FDFT1: variants seen among roughly 807,000 people sequenced by gnomAD.
The protein encoded by FDFT1 is farnesyl-diphosphate farnesyltransferase 1, also known as squalene synthase.
Under a neutral mutation model 46.8 loss-of-function variants are expected in FDFT1, and 68 were observed. That is an observed-to-expected ratio of 1.45 (90% confidence interval 1.19 to 1.78). FDFT1 has a LOEUF of 1.78. FDFT1 is among the 40% of genes most tolerant of loss of function. FDFT1 has a pLI of 0.00. For missense variants in FDFT1, 928 were observed against 524.4 expected (o/e 1.77, Z -7.52); for synonymous variants, 351 against 185.1 (o/e 1.90, Z -7.28).
chr8:11,804,809 A>T (rs532004925), intron 1 of FDFT1, among the ~76,000 whole-genome samples: 9 of 150,632 alleles, frequency 6.0e-5, no homozygotes, highest in Non-Finnish European at 1.2e-4. Context: ...GGGTTTCACC[A>T]TGTTGGTGAG....
At chr8:11,812,898 T>C (rs1449120825) in intron 3 of FDFT1, among the ~76,000 whole-genome samples, 1 of 152,244 alleles carries the variant, frequency 6.6e-6, no homozygotes, top group Non-Finnish European at 1.5e-5. Flanking sequence ...CATGCATCAC[T>C]TAATGAATGG....
intron 3 of FDFT1, among the ~76,000 whole-genome samples, chr8:11,820,295 A>C (rs532567228): frequency 1.3e-5 from 2 of 152,160 alleles, no homozygotes; most frequent in African/African-American, 4.8e-5. Context: ...GTCAGGCTAC[A>C]TGGGGCTCAG....
At chr8:11,813,387 A>G (rs751309383) in intron 3 of FDFT1, among the ~76,000 whole-genome samples, 2 of 152,212 alleles carry the variant, frequency 1.3e-5, no homozygotes, top group Non-Finnish European at 2.9e-5. Flanking sequence ...AATATATTTC[A>G]TCGTTAATTT....
intron 7 of FDFT1, 133 bp downstream of exon 7, chr8:11,831,803 A>C (rs780531823): frequency 4.3e-5 from 33 of 765,962 alleles, no homozygotes; most frequent in Non-Finnish European, 6.5e-5. Flanking sequence ...ACAGGAATTG[A>C]TATCCTTTAT....
Position 11,838,689 on chromosome 8 carries a change from T to C in FDFT1, c.*80T>C. 8.8e-7 allele frequency: 1 copy of C among 1,136,272 alleles called. No individual in the cohort carries two copies. Among genetic ancestry groups the C allele is most frequent in the Non-Finnish European group, 1.3e-6 (1 of 755,516 alleles). The allele number at this position is 1,136,272 out of a possible 1,614,324, so 70.4% of individuals were successfully genotyped here. A position where few individuals can be genotyped will look rare whatever the true frequency, so the allele number is the denominator to read the frequency against. Reference sequence around the variant, plus strand: ...TTAAGGATGGATGTTGTGTTCTCTTTATTTTTTTCCTACTACTTTAATCCC... The same window carrying C: ...TTAAGGATGGATGTTGTGTTCTCTTCATTTTTTTCCTACTACTTTAATCCC... On this transcript the variant is annotated 3_prime_UTR_variant, in exon 8 of 8. Transcript: ENST00000220584.
At chr8:11,815,531 G>T (rs967058691) in intron 3 of FDFT1, among the ~76,000 whole-genome samples, 34 of 152,310 alleles carry the variant, frequency 2.2e-4, no homozygotes, top group African/African-American at 7.2e-4. Flanking sequence ...TCCAGCATCT[G>T]TTGTTTCCTG....
chr8:11,833,630 AC>A (rs1360764313), intron 7 of FDFT1, among the ~76,000 whole-genome samples: 1 of 152,180 alleles, frequency 6.6e-6, no homozygotes, highest in African/African-American at 2.4e-5. Context: ...TGGGCAGTCT[AC>A]AGTTGGCTGA....
At chr8:11,836,574 T>A (rs570546181) in intron 7 of FDFT1, among the ~76,000 whole-genome samples, 56 of 152,386 alleles carry the variant, frequency 3.7e-4, no homozygotes, top group African/African-American at 1.3e-3. Flanking sequence ...GCCTTCTGTT[T>A]CACTTCTCCA....
intron 5 of FDFT1, among the ~76,000 whole-genome samples, chr8:11,826,756 G>A (rs542618649): frequency 6.6e-5 from 10 of 152,252 alleles, no homozygotes; most frequent in East Asian, 3.9e-4. Flanking sequence ...CAGAGATTGC[G>A]GTGAGCTCAG....
intron 1 of FDFT1, chr8:11,803,355 G>C (rs1806388467): frequency 7.7e-7 from 1 of 1,290,586 alleles, no homozygotes; most frequent in Non-Finnish European, 1.0e-6. Flanking sequence ...CTGGAATGAA[G>C]TCTGACTCCT....
chr8:11,829,296 A>G (rs1370737945), intron 5 of FDFT1, among the ~76,000 whole-genome samples: 2 of 152,242 alleles, frequency 1.3e-5, no homozygotes, highest in South Asian at 2.1e-4. Context: ...AACCATCAAC[A>G]CTATGTTTCC....
chr8:11,816,065 C>G (rs980187282), intron 3 of FDFT1, among the ~76,000 whole-genome samples: 4 of 152,146 alleles, frequency 2.6e-5, no homozygotes, highest in African/African-American at 9.7e-5. Flanking sequence ...GGAAGGGATC[C>G]AGTTTCAGCT....
Position 11,839,246 on chromosome 8 carries a change from G to GTAA in FDFT1, c.*638_*640dup, listed in dbSNP as rs1811993139. ...TGACCTTTTAGAAGATTGGTCTCCAGTAAAGGTGGACATTTTTGAGATTTT... is the reference window on the plus strand; with the variant it reads ...TGACCTTTTAGAAGATTGGTCTCCAGTAATAAAGGTGGACATTTTTGAGATTTT... On this transcript the variant is annotated 3_prime_UTR_variant, in exon 8 of 8. Transcript: ENST00000220584. 6.6e-6 allele frequency: 1 copy of GTAA among 152,552 alleles called. No homozygotes were observed. Among genetic ancestry groups the GTAA allele is most frequent in the Non-Finnish European group, 1.5e-5 (1 of 68,290 alleles). 9.4% of individuals were successfully genotyped at this position (152,552 alleles called of 1,614,324 possible). A position where few individuals can be genotyped will look rare whatever the true frequency, so the allele number is the denominator to read the frequency against.
intron 4 of FDFT1, 44 bp from the exon 5 acceptor site, chr8:11,825,980 T>A: frequency 1.4e-6 from 2 of 1,419,386 alleles, no homozygotes; most frequent in Non-Finnish European, 1.9e-6. Context: ...TCCATTTCAG[T>A]AAAAATTCCA....
chr8:11,815,304 A>T (rs924494638), intron 3 of FDFT1, among the ~76,000 whole-genome samples: 10 of 152,048 alleles, frequency 6.6e-5, no homozygotes, highest in Non-Finnish European at 1.3e-4. Flanking sequence ...GGTCTTTGCT[A>T]TTGTGAATAG....
chr8:11,797,070 T>C (rs1585819001), intron 1 of FDFT1, among the ~76,000 whole-genome samples: 1 of 152,160 alleles, frequency 6.6e-6, no homozygotes, highest in Non-Finnish European at 1.5e-5. Context: ...GTCATTGCCA[T>C]GGAAAGGGGT....
In FDFT1 at chr8:11,830,428, A is replaced by T; in HGVS notation, c.879+8A>T. ...TTCTGTGCTATTCCACAGGTAGGGAAGGGGGCTCCTCTGGGTGGATACGGG... is the reference window on the plus strand; with the variant it reads ...TTCTGTGCTATTCCACAGGTAGGGATGGGGGCTCCTCTGGGTGGATACGGG... On this transcript the variant is annotated splice_region_variant and intron_variant, in intron 6 of 7. Transcript: ENST00000220584. 1 of 1,608,422 alleles carries T rather than the reference A, an allele frequency of 6.2e-7. No individual in the cohort carries two copies.
intron 1 of FDFT1, among the ~76,000 whole-genome samples, chr8:11,806,631 TGTTA>T (rs1468437977): frequency 3.9e-5 from 6 of 152,292 alleles, no homozygotes; most frequent in Middle Eastern, 3.4e-3. Flanking sequence ...ACCCCGAAAC[TGTTA>T]GTTGGACTGA....
intron 5 of FDFT1, among the ~76,000 whole-genome samples, chr8:11,829,998 C>T (rs1244931999): frequency 2.6e-5 from 4 of 152,236 alleles, no homozygotes; most frequent in East Asian, 1.9e-4. Context: ...CAGGCGCCTG[C>T]CACCGTACCC....
Sources: gnomAD v4.1 joint callset for allele counts (sites outside exome capture counted in the v4.1 genomes callset) on GRCh38, gnomAD v4.1.1 for gene constraint, MANE v1.5 for transcripts, NCBI Gene and HGNC (gene_info 2026-07-23, HGNC 2026-07-21) for gene names.